Variants in TNNT3 observed in about 807,000 individuals in gnomAD.
TNNT3 encodes the protein troponin T3, fast skeletal type.
In TNNT3, 36 loss-of-function variants were observed where a neutral mutation model predicts 54.2. The observed-to-expected ratio is 0.66, with a 90% confidence interval of 0.51 to 0.88. The LOEUF (loss-of-function observed/expected upper bound fraction) is 0.88. TNNT3 is among the 40% of genes least tolerant of loss of function. The probability of loss-of-function intolerance (pLI) is 0.00; values close to 1 mark genes in which losing one functional copy is unlikely to be tolerated. For missense variants in TNNT3, 291 were observed against 331.6 expected (o/e 0.88, Z 0.95); for synonymous variants, 120 against 109.7 (o/e 1.09, Z -0.59).
At chr11:1,922,964 CA>C (rs1850467873) in intron 2 of TNNT3, 73 bp downstream of exon 2, 11 of 1,613,242 alleles carry the variant, frequency 6.8e-6, no homozygotes, top group Non-Finnish European at 8.5e-6. Context: ...GGGGCTGGAG[CA>C]TGCGCTATCT....
At chr11:1,927,030 G>A (rs982423882) in intron 6 of TNNT3, among the ~76,000 whole-genome samples, 5 of 152,198 alleles carry the variant, frequency 3.3e-5, no homozygotes, top group East Asian at 1.9e-4. Flanking sequence ...TTGGGAGGAC[G>A]GTGCTGGGGT....
At chr11:1,938,383 G>A in intron 15 of TNNT3, 55 bp from the exon 16 acceptor site, 1 of 1,586,676 alleles carries the variant, frequency 6.3e-7, no homozygotes, top group Non-Finnish European at 8.6e-7. Context: ...GGGGGACCAG[G>A]AGGGGCATGG....
In TNNT3 at chr11:1,926,700, GT is replaced by G. The variant is rs1253403705; in HGVS notation, c.75del (p.Gln26LysfsTer43). 1 of 1,613,232 alleles carries G rather than the reference GT, an allele frequency of 6.2e-7. No homozygotes were observed. The highest frequency in any genetic ancestry group is 8.5e-7 in the Non-Finnish European group (1 of 1,180,028). On this transcript the variant is annotated frameshift_variant, in exon 6 of 16. Transcript: ENST00000278317. LOFTEE classifies it high-confidence loss of function. The part of the protein sequence containing the change: ...EEEEAQEEEE[V>X]QEDTAEEDAE... ...CCATGACGCTGCTTCTGCAGAGGAA[GT>G]TCAAGAAGGTACGCCGGCGCTCCCC...
rs755559783 is a variant in TNNT3, at chr11:1,934,740, T to C, written c.590+85T>C. 13 of 1,594,636 alleles carry C rather than the reference T, an allele frequency of 8.2e-6. 1 individual carries two copies. In the Admixed American group the frequency reaches 8.3e-5, roughly 10 times the overall value. On this transcript the variant is annotated intron_variant, in intron 13 of 15. Coordinates refer to ENST00000278317, the MANE Select transcript of TNNT3 (RefSeq NM_006757.4). ...CTGCTCCTCAGGCTGCCAAGGACCG[T>C]GCTCCCCAGTGGCTGCAGGAGGACT...
At chr11:1,925,293 C>G (rs778636576) in intron 5 of TNNT3, 177 bp downstream of exon 5, 1 of 1,592,696 alleles carries the variant, frequency 6.3e-7, no homozygotes, top group African/African-American at 1.3e-5. Flanking sequence ...GGACACAGGA[C>G]TTCTTGTCCC....
chr11:1,935,501 C>T (rs773150693), intron 14 of TNNT3: 15 of 176,520 alleles, frequency 8.5e-5, no homozygotes, highest in Admixed American at 2.7e-4. Context: ...GCACTATCAC[C>T]GCAGGCAAAG....
intron 5 of TNNT3, 40 bp downstream of exon 5, chr11:1,925,156 C>G: frequency 1.9e-6 from 3 of 1,607,802 alleles, no homozygotes; most frequent in Non-Finnish European, 2.5e-6. Context: ...TGCCCACTCC[C>G]CAGCCTTCCC....
intron 8 of TNNT3, among the ~76,000 whole-genome samples, chr11:1,931,320 G>C (rs1564819240): frequency 6.6e-6 from 1 of 152,266 alleles, no homozygotes; most frequent in African/African-American, 2.4e-5. Context: ...GGGTCAAAGA[G>C]TATGAATGTT....
intron 4 of TNNT3, among the ~76,000 whole-genome samples, chr11:1,924,348 G>C (rs769906864): frequency 6.6e-6 from 1 of 152,188 alleles, no homozygotes; most frequent in Non-Finnish European, 1.5e-5. Flanking sequence ...CCTGGGAACC[G>C]TGTGGGGTGG....
At chr11:1,936,232 A>G in intron 14 of TNNT3, 1 of 1,613,876 alleles carries the variant, frequency 6.2e-7, no homozygotes, top group South Asian at 1.1e-5. Flanking sequence ...TGTCCGGGCC[A>G]GAGTGCAGAT....
At chr11:1,932,920 TCATC>T (rs966898600) in intron 9 of TNNT3, among the ~76,000 whole-genome samples, 3 of 142,654 alleles carry the variant, frequency 2.1e-5, no homozygotes, top group African/African-American at 5.3e-5. Flanking sequence ...ACTCACCCAT[TCATC>T]CATCCATCCA....
chr11:1,935,797 G>A (rs1327799488), intron 14 of TNNT3, among the ~76,000 whole-genome samples: 1 of 152,080 alleles, frequency 6.6e-6, no homozygotes, highest in Non-Finnish European at 1.5e-5. Flanking sequence ...CAGCAGGTGT[G>A]GGGCGACCAG....
rs549267070 is a variant in TNNT3, at chr11:1,938,478, G to A, written c.763G>A (p.Gly255Arg). ...AGTPAKGKVG[G>R]RWK ...GACCCCAGCCAAGGGCAAAGTCGGCGGGCGCTGGAAGTAGAGAGGCCAGAA... is the reference window on the plus strand; with the variant it reads ...GACCCCAGCCAAGGGCAAAGTCGGCAGGCGCTGGAAGTAGAGAGGCCAGAA... Residue 255 changes from glycine to arginine, a missense_variant, in exon 16 of 16, where the codon GGG (glycine) becomes AGG (arginine). Coordinates refer to ENST00000278317, the MANE Select transcript of TNNT3 (RefSeq NM_006757.4). The A allele has an allele frequency of 2.4e-5, 39 of 1,613,336 alleles. No individual in the cohort carries two copies. Among genetic ancestry groups the A allele is most frequent in the African/African-American group, 1.5e-4 (11 of 75,044 alleles).
chr11:1,929,853 C>T lies in TNNT3; in HGVS notation c.125+25C>T, dbSNP rs924795738. 14 of 1,509,762 alleles carry T rather than the reference C, an allele frequency of 9.3e-6. No homozygotes were observed. In the Admixed American group the frequency reaches 1.0e-4, roughly 11 times the overall value. The allele number at this position is 1,509,762 out of a possible 1,614,324, so 93.5% of individuals were successfully genotyped here. On this transcript the variant is annotated intron_variant, in intron 8 of 15. Coordinates refer to ENST00000278317, the MANE Select transcript of TNNT3 (RefSeq NM_006757.4). Reference sequence around the variant, plus strand: ...AGTGAGTGTGGGGTCCTGGCAGGCCCGCTGCTGAGTGTGTTCTGGGGTGGG... The same window carrying T: ...AGTGAGTGTGGGGTCCTGGCAGGCCTGCTGCTGAGTGTGTTCTGGGGTGGG...
chr11:1,938,615 G>T lies in TNNT3; in HGVS notation c.*123G>T, dbSNP rs572879213. On this transcript the variant is annotated 3_prime_UTR_variant, in exon 16 of 16. Coordinates refer to ENST00000278317, the MANE Select transcript of TNNT3 (RefSeq NM_006757.4). Reference sequence around the variant, plus strand: ...CAGGGGCTCCCTGACAGTCCTGGGGGTGGAGAGGCCATCCCGGGGCGTCCC... The same window carrying T: ...CAGGGGCTCCCTGACAGTCCTGGGGTTGGAGAGGCCATCCCGGGGCGTCCC... 4 of 1,041,596 alleles carry T rather than the reference G, an allele frequency of 3.8e-6. No individual in the cohort carries two copies. The African/African-American group carries it at 4.7e-5, about 12-fold the overall frequency. 64.5% of individuals were successfully genotyped at this position (1,041,596 alleles called of 1,614,324 possible). A position where few individuals can be genotyped will look rare whatever the true frequency, so the allele number is the denominator to read the frequency against.
At chr11:1,927,661 G>T (rs1293004212) in intron 6 of TNNT3, among the ~76,000 whole-genome samples, 1 of 152,190 alleles carries the variant, frequency 6.6e-6, no homozygotes, top group Non-Finnish European at 1.5e-5. Context: ...AGGGCAGGGT[G>T]GGGCAGGAGC....
In TNNT3 at chr11:1,938,444, G is replaced by A. The variant is rs1222747729; in HGVS notation, c.729G>A (p.Lys243=). 4 of 1,613,186 alleles carry A rather than the reference G, an allele frequency of 2.5e-6. No homozygotes were observed. The highest frequency in any genetic ancestry group is 3.4e-6 in the Non-Finnish European group (4 of 1,179,926). Residue 243 remains lysine, a synonymous_variant, in exon 16 of 16, where the codon AAG becomes AAA. Transcript: ENST00000278317. ...SRIDQAQKHS[K]KAGTPAKGKV... is the part of the protein sequence containing the mutation. The stretch of plus-strand genomic sequence containing the variant: ...ACTTGCTTCCCATTTGCAGCAGCAA[G>A]AAGGCTGGGACCCCAGCCAAGGGCA...
At chr11:1,924,179 T>A (rs1850855923) in intron 4 of TNNT3, among the ~76,000 whole-genome samples, 1 of 152,116 alleles carries the variant, frequency 6.6e-6, no homozygotes, top group Non-Finnish European at 1.5e-5. Flanking sequence ...TCCACCTCCA[T>A]CTCCATCTCT....
At chr11:1,937,712 G>T (rs1157718539) in intron 15 of TNNT3, among the ~76,000 whole-genome samples, 1 of 152,212 alleles carries the variant, frequency 6.6e-6, no homozygotes, top group Non-Finnish European at 1.5e-5. Flanking sequence ...TGTCGCCTTG[G>T]CTTCCCTGCG....
Sources: allele counts gnomAD v4.1 joint callset (sites outside exome capture counted in the v4.1 genomes callset), GRCh38; gene constraint gnomAD v4.1.1; transcripts MANE v1.5; gene names NCBI Gene and HGNC (gene_info 2026-07-23, HGNC 2026-07-21).